Variants in BTNL8 observed in about 807,000 individuals in gnomAD.
BTNL8 encodes the protein butyrophilin like 8.
A neutral mutation model predicts 36.1 loss-of-function variants in BTNL8; 22 were observed. That is an observed-to-expected ratio of 0.61 (90% confidence interval 0.44 to 0.87). The LOEUF (loss-of-function observed/expected upper bound fraction) is 0.87, where lower values mean the gene tolerates loss of function less well. BTNL8 is among the 40% of genes least tolerant of loss of function. The pLI is 0.00. For synonymous variants in BTNL8, 203 were observed against 235.6 expected (o/e 0.86, Z 1.27); for missense variants, 526 against 616.9 (o/e 0.85, Z 1.56).
intron 3 of BTNL8, among the ~76,000 whole-genome samples, chr5:180,914,106 A>G (rs1757521180): frequency 6.6e-6 from 1 of 152,224 alleles, no homozygotes; most frequent in South Asian, 2.1e-4. Context: ...CTTCTCCAAA[A>G]TTCATGTTGA....
chr5:180,919,439 G>A (rs1757775644), intron 3 of BTNL8, among the ~76,000 whole-genome samples: 1 of 152,176 alleles, frequency 6.6e-6, no homozygotes, highest in African/African-American at 2.4e-5. Context: ...CATATTATAA[G>A]CTCATAGCTA....
rs554532312 is a variant in BTNL8 at position 180,915,594 on chromosome 5, T to G, written c.673+3980T>G. On this transcript the variant is annotated intron_variant, in intron 3 of 7. Coordinates refer to ENST00000340184, the MANE Select transcript of BTNL8 (RefSeq NM_001040462.3). ...CCAGGCTGACTGGTCAAGGTCTTTG[T>G]CTACCAAAGTCTGCCAGTACAGACT... 3.1e-4 allele frequency among the ~76,000 whole-genome samples: 47 copies of G among 152,320 alleles called. No homozygotes were observed. In the South Asian group the frequency reaches 8.3e-3, roughly 27 times the overall value.
chr5:180,945,093 T>C (rs1759172960), intron 3 of BTNL8, among the ~76,000 whole-genome samples: 1 of 152,176 alleles, frequency 6.6e-6, no homozygotes, highest in African/African-American at 2.4e-5. Context: ...AATTAAAACG[T>C]CCTGGGGCTG....
At chr5:180,949,725 G>A in intron 7 of BTNL8, 179 bp from the exon 8 acceptor site, 1 of 768,772 alleles carries the variant, frequency 1.3e-6, no homozygotes, top group Non-Finnish European at 2.0e-6. Flanking sequence ...ACATTGATGA[G>A]TCCTCCAGGC....
At chr5:180,931,627 A>G (rs896640011) in intron 3 of BTNL8, among the ~76,000 whole-genome samples, 2 of 152,292 alleles carry the variant, frequency 1.3e-5, no homozygotes, top group Admixed American at 6.5e-5. Flanking sequence ...AAAACAAACA[A>G]TGCCATCGAA....
chr5:180,919,005 G>C (rs1055696583), intron 3 of BTNL8, among the ~76,000 whole-genome samples: 3 of 152,096 alleles, frequency 2.0e-5, no homozygotes, highest in African/African-American at 7.2e-5. Context: ...CAGTCTCTTC[G>C]GGATCAGACA....
At chr5:180,930,993 C>T (rs759196946) in intron 3 of BTNL8, among the ~76,000 whole-genome samples, 9 of 152,126 alleles carry the variant, frequency 5.9e-5, no homozygotes, top group Non-Finnish European at 8.8e-5. Context: ...CAAAAGAGCC[C>T]GTATAGCCAA....
intron 3 of BTNL8, among the ~76,000 whole-genome samples, chr5:180,927,720 G>T (rs145569525): frequency 6.6e-6 from 1 of 152,148 alleles, no homozygotes; most frequent in East Asian, 1.9e-4. Context: ...TCAAGTGGAA[G>T]ACAATGATAT....
chr5:180,924,530 G>C (rs1198850156), intron 3 of BTNL8, among the ~76,000 whole-genome samples: 1 of 152,226 alleles, frequency 6.6e-6, no homozygotes, highest in Non-Finnish European at 1.5e-5. Flanking sequence ...CAGGAGCACA[G>C]CCAGCAGTTC....
chr5:180,924,870 TTCAGGAAA>T (rs1200610230), intron 3 of BTNL8, among the ~76,000 whole-genome samples: 4 of 151,938 alleles, frequency 2.6e-5, no homozygotes, highest in African/African-American at 9.7e-5. Flanking sequence ...CTTAAAGAAG[TTCAGGAAA>T]CTACAAGAAA....
At chr5:180,922,072 GAT>G (rs1033081390) in intron 3 of BTNL8, among the ~76,000 whole-genome samples, 9 of 116,974 alleles carry the variant, frequency 7.7e-5, no homozygotes, top group African/African-American at 3.7e-4. Context: ...TGTTTATTTG[GAT>G]ATTTTTTTCT....
At chr5:180,906,119 G>A (rs2113769344) in intron 1 of BTNL8, among the ~76,000 whole-genome samples, 1 of 142,756 alleles carries the variant, frequency 7.0e-6, no homozygotes, top group Non-Finnish European at 1.5e-5. Context: ...GTTGACAGTG[G>A]GGTGTTAAAG....
chr5:180,920,074 G>A (rs548375456), intron 3 of BTNL8, among the ~76,000 whole-genome samples: 12 of 152,166 alleles, frequency 7.9e-5, no homozygotes, highest in Admixed American at 1.3e-4. Flanking sequence ...AATAAGACTT[G>A]AGCAAAAAGA....
chr5:180,923,572 G>A (rs1347123811), intron 3 of BTNL8, among the ~76,000 whole-genome samples: 1 of 151,966 alleles, frequency 6.6e-6, no homozygotes, highest in Non-Finnish European at 1.5e-5. Flanking sequence ...CATCATGGTA[G>A]GAGGTTTAAA....
intron 3 of BTNL8, among the ~76,000 whole-genome samples, chr5:180,942,213 T>C (rs1364620893): frequency 6.6e-6 from 1 of 151,926 alleles, no homozygotes; most frequent in Non-Finnish European, 1.5e-5. Context: ...CAAAATAAAA[T>C]ACCAAGGAAT....
intron 3 of BTNL8, among the ~76,000 whole-genome samples, chr5:180,934,363 C>T (rs187839598): frequency 2.6e-5 from 4 of 152,350 alleles, no homozygotes; most frequent in African/African-American, 4.8e-5. Flanking sequence ...GTTGCTTTTC[C>T]TCTGGAAACC....
chr5:180,944,399 A>G (rs1167876012), intron 3 of BTNL8, among the ~76,000 whole-genome samples: 1 of 152,220 alleles, frequency 6.6e-6, no homozygotes, highest in Non-Finnish European at 1.5e-5. Context: ...GTATACATGT[A>G]TCACGACATC....
chr5:180,908,338 C>T (rs1173740003), intron 1 of BTNL8, among the ~76,000 whole-genome samples: 22 of 152,200 alleles, frequency 1.4e-4, no homozygotes, highest in Non-Finnish European at 2.4e-4. Flanking sequence ...TTGCGCTTCC[C>T]GAGTGAGGCA....
rs543504461 is a variant in BTNL8, at chr5:180,908,311, G to A, written c.50-275G>A. Among the ~76,000 whole-genome samples the A allele has an allele frequency of 3.8e-3, 582 of 152,336 alleles. 2 individuals are homozygous for A. Among genetic ancestry groups the A allele is most frequent in the African/African-American group, 0.013 (547 of 41,580 alleles). ...GTCACCCCTTTCTTTGACTCGGAAA[G>A]GGAACTCCCTGACCCCTTGCGCTTC... On this transcript the variant is annotated intron_variant, in intron 1 of 7. Coordinates refer to ENST00000340184, the MANE Select transcript of BTNL8 (RefSeq NM_001040462.3).
Sources: allele counts gnomAD v4.1 joint callset (sites outside exome capture counted in the v4.1 genomes callset), GRCh38; gene constraint gnomAD v4.1.1; transcripts MANE v1.5; gene names NCBI Gene and HGNC (gene_info 2026-07-23, HGNC 2026-07-21).